The following TRAPPC9 variants were observed in gnomAD, a reference collection of about 807,000 sequenced individuals.
TRAPPC9 encodes trafficking protein particle complex subunit 9.
Under a neutral mutation model 124.0 loss-of-function variants are expected in TRAPPC9, and 83 were observed. The ratio of observed to expected loss-of-function variants is 0.67; its 90% CI spans 0.56 to 0.80. The LOEUF is 0.80. Among genes scored for constraint, TRAPPC9 ranks in the 30% least tolerant of loss-of-function variants. TRAPPC9 has a pLI of 0.00. For synonymous variants in TRAPPC9, 638 were observed against 617.5 expected (o/e 1.03, Z -0.49); for missense variants, 1,302 against 1,508.3 (o/e 0.86, Z 2.27).
intron 15 of TRAPPC9, among the ~76,000 whole-genome samples, chr8:140,253,799 ATGT>A (rs1227635694): frequency 6.6e-6 from 1 of 152,172 alleles, no homozygotes; most frequent in Non-Finnish European, 1.5e-5. Flanking sequence ...AAAGTCTTGA[ATGT>A]TAGAGTCACA....
intron 17 of TRAPPC9, among the ~76,000 whole-genome samples, chr8:140,105,732 CT>C (rs553479349): frequency 2.6e-4 from 39 of 152,266 alleles, no homozygotes; most frequent in African/African-American, 8.7e-4. Context: ...CTCTGGGACA[CT>C]TTCTTTTTGT....
intron 5 of TRAPPC9, among the ~76,000 whole-genome samples, chr8:140,413,433 T>C (rs919807667): frequency 6.7e-6 from 1 of 150,340 alleles, no homozygotes; most frequent in Non-Finnish European, 1.5e-5. Context: ...CTGGACACCA[T>C]GATGAAAGGA....
chr8:139,989,288 G>A (rs374258380), intron 18 of TRAPPC9, among the ~76,000 whole-genome samples: 8 of 146,370 alleles, frequency 5.5e-5, no homozygotes, highest in Non-Finnish European at 6.1e-5. Flanking sequence ...GCCCTGAAGC[G>A]TGGTGACGCA....
At chr8:139,837,110 G>T (rs190031169) in intron 21 of TRAPPC9, among the ~76,000 whole-genome samples, 20 of 152,296 alleles carry the variant, frequency 1.3e-4, no homozygotes, top group African/African-American at 4.8e-4. Context: ...AAACCAGGAA[G>T]TGAACAGAGA....
chr8:139,920,939 A>C (rs1285227544), intron 19 of TRAPPC9, among the ~76,000 whole-genome samples: 4 of 152,252 alleles, frequency 2.6e-5, no homozygotes, highest in African/African-American at 9.6e-5. Context: ...GTGGTCACAG[A>C]GTCTGCTTCT....
chr8:140,122,163 A>C (rs753618116), intron 17 of TRAPPC9, among the ~76,000 whole-genome samples: 1 of 152,104 alleles, frequency 6.6e-6, no homozygotes, highest in Non-Finnish European at 1.5e-5. Flanking sequence ...GCTGAGGTGC[A>C]TTCTTCAGCC....
At position 140,347,588 on chromosome 8, in the gene TRAPPC9, C is replaced by T. The variant is rs563826084; in HGVS notation, c.1495+12462G>A. ...AGGCAAGTTTAGCAAGAATCCCCTA[C>T]ACTTAATGTCTCTCCTCTTAGTAAT... On this transcript the variant is annotated intron_variant, in intron 9 of 22. Coordinates refer to ENST00000438773, the MANE Select transcript of TRAPPC9 (RefSeq NM_001160372.4). Among the ~76,000 whole-genome samples, 54 of 152,346 alleles carry T rather than the reference C, an allele frequency of 3.5e-4. 1 individual carries two copies. Among genetic ancestry groups the T allele is most frequent in the South Asian group, 1.9e-3 (9 of 4,830 alleles).
At chr8:139,922,148 A>G (rs567828924) in intron 19 of TRAPPC9, among the ~76,000 whole-genome samples, 1 of 151,858 alleles carries the variant, frequency 6.6e-6, no homozygotes, top group Admixed American at 6.6e-5. Context: ...ATTTATTTTC[A>G]TTTCCTTCCA....
chr8:140,181,656 T>A (rs1250604824), intron 17 of TRAPPC9, among the ~76,000 whole-genome samples: 3 of 152,184 alleles, frequency 2.0e-5, no homozygotes, highest in African/African-American at 7.2e-5. Context: ...TGCTTTTGTC[T>A]CATACTTGTG....
At chr8:139,734,032 C>A (rs1037521326) in intron 21 of TRAPPC9, among the ~76,000 whole-genome samples, 8 of 152,218 alleles carry the variant, frequency 5.3e-5, no homozygotes, top group Admixed American at 2.0e-4. Context: ...GCCACTCTTT[C>A]GACCCCTGAA....
chr8:139,932,703 G>C (rs1361665869), intron 19 of TRAPPC9: 2 of 370,924 alleles, frequency 5.4e-6, no homozygotes, highest in African/African-American at 4.2e-5. Context: ...GGTGGAGGTT[G>C]CAGTGAGCCG....
At chr8:140,204,844 C>A (rs918205815) in intron 17 of TRAPPC9, among the ~76,000 whole-genome samples, 6 of 152,152 alleles carry the variant, frequency 3.9e-5, no homozygotes, top group African/African-American at 1.4e-4. Flanking sequence ...GGAATGAAAA[C>A]AGACTAATAG....
intron 21 of TRAPPC9, among the ~76,000 whole-genome samples, chr8:139,766,661 G>A (rs1820604092): frequency 6.6e-6 from 1 of 152,154 alleles, no homozygotes; most frequent in Non-Finnish European, 1.5e-5. Context: ...TGGGGACTCA[G>A]CAGCCCTTCC....
chr8:139,752,279 CCCATCCATCAACCCATCTACCAT>C (rs1452204829), intron 21 of TRAPPC9, among the ~76,000 whole-genome samples: 1 of 149,122 alleles, frequency 6.7e-6, no homozygotes, highest in African/African-American at 2.5e-5. Flanking sequence ...CCAACATCTA[CCCATCCATCAACCCATCTACCAT>C]CCATCCATCC....
chr8:139,836,498 G>C (rs1409776570), intron 21 of TRAPPC9, among the ~76,000 whole-genome samples: 1 of 152,232 alleles, frequency 6.6e-6, no homozygotes, highest in Non-Finnish European at 1.5e-5. Flanking sequence ...CTCAAGGTTC[G>C]GGAGGGAGGT....
intron 17 of TRAPPC9, among the ~76,000 whole-genome samples, chr8:140,141,547 T>C (rs186311588): frequency 6.6e-5 from 10 of 152,324 alleles, no homozygotes; most frequent in East Asian, 1.9e-4. Context: ...TTGAACCCAC[T>C]GACCCATGAG....
At chr8:140,029,442 T>C (rs1248790765) in intron 17 of TRAPPC9, among the ~76,000 whole-genome samples, 1 of 151,948 alleles carries the variant, frequency 6.6e-6, no homozygotes, top group Non-Finnish European at 1.5e-5. Context: ...GAGGTGGAGG[T>C]TGCAGTGAGC....
intron 17 of TRAPPC9, among the ~76,000 whole-genome samples, chr8:140,199,859 T>C (rs957989594): frequency 1.3e-5 from 2 of 152,102 alleles, no homozygotes; most frequent in Non-Finnish European, 2.9e-5. Flanking sequence ...AGATGGTAAC[T>C]TTGGAAGACA....
chr8:140,036,625 T>C (rs919601870), intron 17 of TRAPPC9, among the ~76,000 whole-genome samples: 1 of 152,074 alleles, frequency 6.6e-6, no homozygotes, highest in African/African-American at 2.4e-5. Flanking sequence ...GACATCCAAG[T>C]GATGACAGTG....
Sources: allele counts gnomAD v4.1 joint callset (sites outside exome capture counted in the v4.1 genomes callset), GRCh38; gene constraint gnomAD v4.1.1; transcripts MANE v1.5; gene names NCBI Gene and HGNC (gene_info 2026-07-23, HGNC 2026-07-21).